MINDY2: variants seen among roughly 807,000 people sequenced by gnomAD.
MINDY2 encodes MINDY lysine 48 deubiquitinase 2.
A neutral mutation model predicts 68.2 loss-of-function variants in MINDY2; 52 were observed. That is an observed-to-expected ratio of 0.76 (90% confidence interval 0.61 to 0.96). The LOEUF (loss-of-function observed/expected upper bound fraction) is 0.96, where lower values mean the gene tolerates loss of function less well. MINDY2 is among the 40% of genes least tolerant of loss of function. MINDY2 has a pLI of 0.00. For synonymous variants in MINDY2, 372 were observed against 303.0 expected (o/e 1.23, Z -2.36); for missense variants, 881 against 773.4 (o/e 1.14, Z -1.65).
chr15:58,786,594 CCTT>C (rs1207213651), intron 1 of MINDY2, among the ~76,000 whole-genome samples: 2 of 150,632 alleles, frequency 1.3e-5, no homozygotes, highest in African/African-American at 5.0e-5. Flanking sequence ...TTACTTTTAA[CCTT>C]CTTATTGTGA....
At chr15:58,795,130 C>G (rs1474698561) in intron 2 of MINDY2, among the ~76,000 whole-genome samples, 2 of 151,714 alleles carry the variant, frequency 1.3e-5, no homozygotes, top group African/African-American at 4.8e-5. Context: ...GTACCGAGAT[C>G]GCGCTACTGC....
At chr15:58,819,701 A>G (rs375289325) in intron 4 of MINDY2, among the ~76,000 whole-genome samples, 6 of 152,282 alleles carry the variant, frequency 3.9e-5, no homozygotes, top group African/African-American at 1.4e-4. Flanking sequence ...AGATTATTTG[A>G]AAAGACTTAC....
At chr15:58,847,513 T>G (rs1460641241) in intron 7 of MINDY2, 43 bp downstream of exon 7, 1 of 1,446,320 alleles carries the variant, frequency 6.9e-7, no homozygotes, top group Non-Finnish European at 9.2e-7. Flanking sequence ...AAATGCTGAT[T>G]TTTTTCAAAT....
rs1347712736 is a variant in MINDY2, at chr15:58,854,574, A to C, written c.1830A>C (p.Glu610Asp). ...KRKEPREKDK[E>D]KEKEKNSCVI... The stretch of plus-strand genomic sequence containing the variant: ...AGGAACCACGAGAAAAAGATAAAGA[A>C]AAAGAAAAGGAAAAAAATAGCTGTG... The change falls in exon 9 of 9, where the codon GAA becomes GAC. Residue 610 changes from glutamate to aspartate, a missense_variant. Transcript: ENST00000559228. The C allele has an allele frequency of 6.2e-7, 1 of 1,612,938 alleles. No homozygotes were observed. Among genetic ancestry groups the C allele is most frequent in the Non-Finnish European group, 8.5e-7 (1 of 1,179,840 alleles).
At chr15:58,816,117 T>C (rs574683) in intron 4 of MINDY2, among the ~76,000 whole-genome samples, 39,119 of 152,158 alleles carry the variant, frequency 0.26, 5,524 homozygotes, top group East Asian at 0.61. Context: ...AGCATACATG[T>C]GTGCATCCAT....
rs530513767 is a variant in MINDY2 at position 58,823,548 on chromosome 15, C to A, written c.1225+1729C>A. On this transcript the variant is annotated intron_variant, in intron 5 of 8. Transcript: ENST00000559228. Reference sequence around the variant, plus strand: ...AAAAATTAGCCAGGCACCTCTAGCTCCACGTACTTGGGAGGCTGAGGCTGA... The same window carrying A: ...AAAAATTAGCCAGGCACCTCTAGCTACACGTACTTGGGAGGCTGAGGCTGA... 4.4e-3 allele frequency among the ~76,000 whole-genome samples: 673 copies of A among 152,092 alleles called. 4 individuals are homozygous for A. Among genetic ancestry groups the A allele is most frequent in the Non-Finnish European group, 7.5e-3 (513 of 67,988 alleles).
intron 1 of MINDY2, among the ~76,000 whole-genome samples, chr15:58,786,851 T>C (rs1323950353): frequency 6.6e-6 from 1 of 152,148 alleles, no homozygotes; most frequent in Non-Finnish European, 1.5e-5. Flanking sequence ...TTTATTGAGA[T>C]GGAGTTTCAC....
In MINDY2 at chr15:58,851,915, G is replaced by A; in HGVS notation, c.1687G>A (p.Glu563Lys). The A allele has an allele frequency of 6.2e-7, 1 of 1,604,008 alleles. No individual in the cohort carries two copies. ...CAGACGGGCTTCTCAATACTATCAG[G>A]AACAGGAACAAGCAGCAGCTGCTGC... ...EDRRASQYYQEQEQAAAAAAA... is the reference protein window; with the variant it reads ...EDRRASQYYQKQEQAAAAAAA... Residue 563 changes from glutamate (E) to lysine (K), a missense_variant, in exon 8 of 9, where the codon GAA becomes AAA. By Grantham distance (56) the Glu-to-Lys change is moderately conservative. Coordinates refer to ENST00000559228, the MANE Select transcript of MINDY2 (RefSeq NM_001040450.3).
chr15:58,833,754 A>G (rs966377222), intron 6 of MINDY2, among the ~76,000 whole-genome samples: 1 of 152,006 alleles, frequency 6.6e-6, no homozygotes, highest in African/African-American at 2.4e-5. Context: ...GGAGTATACA[A>G]TCGGGCTTTA....
chr15:58,847,155 C>T (rs1395723329), intron 6 of MINDY2, 142 bp from the exon 7 acceptor site: 18 of 545,844 alleles, frequency 3.3e-5, no homozygotes, highest in Non-Finnish European at 5.0e-5. Flanking sequence ...TCTACTTGGT[C>T]TATTTATTGT....
intron 1 of MINDY2, among the ~76,000 whole-genome samples, chr15:58,774,575 A>G (rs1179206897): frequency 6.6e-6 from 1 of 152,042 alleles, no homozygotes; most frequent in Non-Finnish European, 1.5e-5. Flanking sequence ...GTGGGATGAC[A>G]GACATATAAA....
rs1221316670 is a variant in MINDY2 at position 58,851,945 on chromosome 15, G to T, written c.1717G>T (p.Ala573Ser). 6.3e-7 allele frequency: 1 copy of T among 1,586,288 alleles called. No individual in the cohort carries two copies. Among genetic ancestry groups the T allele is most frequent in the Non-Finnish European group, 8.5e-7 (1 of 1,172,432 alleles). ...EQEQAAAAAA[A>S]ASTQAQQGQP... ...GGAACAAGCAGCAGCTGCTGCTGCTGCTGCTTCTACACAGGCTCAGGTAAA... is the reference window on the plus strand; with the variant it reads ...GGAACAAGCAGCAGCTGCTGCTGCTTCTGCTTCTACACAGGCTCAGGTAAA... The change falls in exon 8 of 9, where the codon GCT becomes TCT. Residue 573 changes from alanine to serine, a missense_variant. Ala to Ser is a moderately conservative substitution (Grantham distance 99). Transcript: ENST00000559228.
intron 7 of MINDY2, among the ~76,000 whole-genome samples, chr15:58,848,333 T>C (rs2032637741): frequency 6.6e-6 from 1 of 152,232 alleles, no homozygotes; most frequent in Admixed American, 6.5e-5. Context: ...GATACAAAGA[T>C]AAATCATTGA....
intron 8 of MINDY2, among the ~76,000 whole-genome samples, chr15:58,853,216 G>A (rs2032919431): frequency 6.6e-6 from 1 of 151,682 alleles, no homozygotes; most frequent in African/African-American, 2.4e-5. Context: ...GCCTCCCAAA[G>A]TGCTGGGATT....
chr15:58,785,018 A>G (rs913433610), intron 1 of MINDY2, among the ~76,000 whole-genome samples: 2 of 151,644 alleles, frequency 1.3e-5, no homozygotes, highest in Non-Finnish European at 2.9e-5. Flanking sequence ...TTAGCCAACT[A>G]TCTCATAACC....
In MINDY2 at chr15:58,856,339, C is replaced by G. The variant is rs1229994443; in HGVS notation, c.*1729C>G. On this transcript the variant is annotated 3_prime_UTR_variant, in exon 9 of 9. Coordinates refer to ENST00000559228, the MANE Select transcript of MINDY2 (RefSeq NM_001040450.3). ...TGGATTTTTTCAACTATGTCATTAA[C>G]TTTATGATCCAAGACCAGTTATAGG... is the stretch of plus-strand genomic sequence containing the variant. 1 of 152,492 alleles carries G rather than the reference C, an allele frequency of 6.6e-6. No homozygotes were observed. The highest frequency in any genetic ancestry group is 1.9e-4 in the East Asian group (1 of 5,192). 9.4% of individuals were successfully genotyped at this position (152,492 alleles called of 1,614,324 possible).
intron 4 of MINDY2, among the ~76,000 whole-genome samples, chr15:58,819,807 C>G (rs1190326465): frequency 6.6e-6 from 1 of 152,176 alleles, no homozygotes; most frequent in South Asian, 2.1e-4. Flanking sequence ...TCTTAAGGGT[C>G]TAACTTCTCA....
At chr15:58,807,353 C>CTTT (rs58768604) in intron 3 of MINDY2, among the ~76,000 whole-genome samples, 1,627 of 109,008 alleles carry the variant, frequency 0.015, 63 homozygotes, top group South Asian at 0.021. Flanking sequence ...TTAAAATAGT[C>CTTT]TTTTTTTTTT....
chr15:58,805,564 A>C (rs529477431), intron 3 of MINDY2, among the ~76,000 whole-genome samples: 3 of 152,210 alleles, frequency 2.0e-5, no homozygotes, highest in Non-Finnish European at 2.9e-5. Flanking sequence ...CCATGTTAAA[A>C]GTTCATTTGA....
Sources: gnomAD v4.1 joint callset for allele counts (sites outside exome capture counted in the v4.1 genomes callset) on GRCh38, gnomAD v4.1.1 for gene constraint, MANE v1.5 for transcripts, NCBI Gene and HGNC (gene_info 2026-07-23, HGNC 2026-07-21) for gene names.